The following SPOCK3 variants were observed in gnomAD, a reference collection of about 807,000 sequenced individuals.
SPOCK3 encodes the protein testican-3.
Under a neutral mutation model 56.6 loss-of-function variants are expected in SPOCK3, and 30 were observed. That is an observed-to-expected ratio of 0.53 (90% confidence interval 0.40 to 0.72). The LOEUF is 0.72. Ranked by LOEUF, SPOCK3 falls within the 30% of genes least tolerant of loss-of-function variation. The pLI is 0.00. For synonymous variants in SPOCK3, 196 were observed against 183.3 expected, an observed-to-expected ratio of 1.07 and a Z score of -0.56; for missense variants, 527 against 530.0, an observed-to-expected ratio of 0.99 and a Z score of 0.06.
chr4:166,873,547 G>T (rs989911827), intron 6 of SPOCK3, among the ~76,000 whole-genome samples: 2 of 152,066 alleles, frequency 1.3e-5, no homozygotes, highest in African/African-American at 2.4e-5. Flanking sequence ...GCTCTATATT[G>T]TTGTGAACAT....
In SPOCK3 at chr4:166,738,613, T is replaced by TC. The variant is rs1215376118; in HGVS notation, c.995-1010dup. ...TAGGTATATCTCCTAATGCTATCCCTCCCCCCTCCCCCCACCCCACAACAG... is the reference window on the plus strand; with the variant it reads ...TAGGTATATCTCCTAATGCTATCCCTCCCCCCCTCCCCCCACCCCACAACAG... On this transcript the variant is annotated intron_variant, in intron 9 of 10. Coordinates refer to ENST00000357545, the MANE Select transcript of SPOCK3 (RefSeq NM_001040159.2). Among the ~76,000 whole-genome samples the TC allele has an allele frequency of 1.0e-4, 8 of 79,042 alleles. No homozygotes were observed. In the East Asian group the frequency reaches 3.1e-3, roughly 31 times the overall value. The allele number at this position is 79,042 out of a possible 152,430, so 51.9% of individuals were successfully genotyped here. A position where few individuals can be genotyped will look rare whatever the true frequency, so the allele number is the denominator to read the frequency against.
intron 6 of SPOCK3, among the ~76,000 whole-genome samples, chr4:166,800,551 C>CGAAT (rs1560872282): frequency 6.6e-6 from 1 of 151,428 alleles, no homozygotes; most frequent in Non-Finnish European, 1.5e-5. Flanking sequence ...TAGGCCTAGG[C>CGAAT]GAATGTGTGT....
intron 4 of SPOCK3, among the ~76,000 whole-genome samples, chr4:166,984,979 G>T (rs1021097005): frequency 9.2e-5 from 14 of 152,050 alleles, no homozygotes; most frequent in Non-Finnish European, 1.6e-4. Flanking sequence ...CAGGGAAATT[G>T]CTGTCAAGGA....
chr4:166,833,362 G>A (rs1746284204), intron 6 of SPOCK3, among the ~76,000 whole-genome samples: 1 of 151,992 alleles, frequency 6.6e-6, no homozygotes, highest in African/African-American at 2.4e-5. Flanking sequence ...ATGTCAAGCT[G>A]GTTGATAGTA....
chr4:166,974,727 AT>A (rs1458541334), intron 4 of SPOCK3, among the ~76,000 whole-genome samples: 1 of 152,144 alleles, frequency 6.6e-6, no homozygotes, highest in East Asian at 1.9e-4. Context: ...TCAGTCCTTG[AT>A]TTGATCTTTC....
intron 3 of SPOCK3, among the ~76,000 whole-genome samples, chr4:167,045,113 A>G (rs1262633550): frequency 6.6e-6 from 1 of 152,098 alleles, no homozygotes; most frequent in African/African-American, 2.4e-5. Context: ...CAAGTTAAAG[A>G]CTATCTTTTT....
intron 2 of SPOCK3, among the ~76,000 whole-genome samples, chr4:167,086,139 T>G (rs1261133993): frequency 6.6e-6 from 1 of 152,076 alleles, no homozygotes; most frequent in Non-Finnish European, 1.5e-5. Flanking sequence ...ATAAAATTAT[T>G]TGATAATAAA....
intron 4 of SPOCK3, among the ~76,000 whole-genome samples, chr4:166,924,684 G>A (rs1738874714): frequency 6.6e-6 from 1 of 152,192 alleles, no homozygotes; most frequent in Non-Finnish European, 1.5e-5. Flanking sequence ...TGAACACATG[G>A]CTGGTAAGTG....
chr4:166,812,437 C>G (rs1380780258), intron 6 of SPOCK3, among the ~76,000 whole-genome samples: 1 of 151,854 alleles, frequency 6.6e-6, no homozygotes, highest in Non-Finnish European at 1.5e-5. Flanking sequence ...CACAAAGTAA[C>G]TGTTCATTCA....
At chr4:166,790,112 C>A (rs560739152) in intron 7 of SPOCK3, among the ~76,000 whole-genome samples, 222 of 152,148 alleles carry the variant, frequency 1.5e-3, no homozygotes, top group Non-Finnish European at 2.5e-3. Context: ...TTCATTAACT[C>A]CTTTCAGTTT....
intron 7 of SPOCK3, among the ~76,000 whole-genome samples, chr4:166,772,234 G>A (rs117438845): frequency 1.3e-5 from 2 of 151,958 alleles, no homozygotes; most frequent in African/African-American, 4.8e-5. Context: ...TACAAATAAT[G>A]CAGTAGTATG....
At chr4:167,226,434 C>G (rs904156777) in intron 2 of SPOCK3, among the ~76,000 whole-genome samples, 1 of 152,098 alleles carries the variant, frequency 6.6e-6, no homozygotes, top group Non-Finnish European at 1.5e-5. Context: ...AGGCAAACAA[C>G]TGACAGGCAA....
chr4:167,061,773 T>C (rs1324111860), intron 3 of SPOCK3, among the ~76,000 whole-genome samples: 1 of 152,008 alleles, frequency 6.6e-6, no homozygotes, highest in Non-Finnish European at 1.5e-5. Context: ...AGAAATTTTT[T>C]TTCTACTTTG....
chr4:166,782,279 C>G (rs967923115), intron 7 of SPOCK3, among the ~76,000 whole-genome samples: 3 of 152,234 alleles, frequency 2.0e-5, no homozygotes, highest in African/African-American at 7.2e-5. Flanking sequence ...CAAGAAGATA[C>G]AGTAACCCTA....
At chr4:166,794,448 T>C (rs1055250899) in intron 6 of SPOCK3, among the ~76,000 whole-genome samples, 2 of 152,020 alleles carry the variant, frequency 1.3e-5, no homozygotes, top group African/African-American at 4.8e-5. Flanking sequence ...GGGAACTGGA[T>C]TAATGGAAGA....
chr4:166,802,085 C>G (rs1742661722), intron 6 of SPOCK3, among the ~76,000 whole-genome samples: 1 of 151,706 alleles, frequency 6.6e-6, no homozygotes. Context: ...CCATCACTGT[C>G]TTGAGGTAGA....
chr4:167,112,472 G>A (rs1760983929), intron 2 of SPOCK3, among the ~76,000 whole-genome samples: 1 of 152,000 alleles, frequency 6.6e-6, no homozygotes, highest in African/African-American at 2.4e-5. Context: ...AGAAACAATG[G>A]GTTCACTCTT....
intron 2 of SPOCK3, among the ~76,000 whole-genome samples, chr4:167,216,976 T>C (rs777305097): frequency 1.3e-5 from 2 of 151,956 alleles, no homozygotes; most frequent in African/African-American, 2.4e-5. Context: ...AAAATAAATA[T>C]AAATAAGATC....
At chr4:166,835,001 G>A (rs1264027252) in intron 6 of SPOCK3, among the ~76,000 whole-genome samples, 1 of 151,944 alleles carries the variant, frequency 6.6e-6, no homozygotes, top group African/African-American at 2.4e-5. Context: ...GATCTATGAA[G>A]ATTTACCATT....
Sources: gnomAD v4.1 joint callset for allele counts (sites outside exome capture counted in the v4.1 genomes callset) on GRCh38, gnomAD v4.1.1 for gene constraint, MANE v1.5 for transcripts, NCBI Gene and HGNC (gene_info 2026-07-23, HGNC 2026-07-21) for gene names.